The following WDR4 variants were observed in gnomAD, a reference collection of about 807,000 sequenced individuals.
WDR4 encodes the protein WDR4 tRNA N7-guanosine methyltransferase non-catalytic subunit, also known as tRNA (guanine-N(7)-)-methyltransferase non-catalytic subunit WDR4.
Under a neutral mutation model 48.6 loss-of-function variants are expected in WDR4, and 47 were observed. The ratio of observed to expected loss-of-function variants is 0.97; its 90% CI spans 0.77 to 1.23. The LOEUF (loss-of-function observed/expected upper bound fraction) is 1.23, where lower values mean the gene tolerates loss of function less well. Ranked by LOEUF, WDR4 falls within the 50% of genes most tolerant of loss-of-function variation. The probability of loss-of-function intolerance (pLI) is 0.00; values close to 1 mark genes in which losing one functional copy is unlikely to be tolerated. For synonymous variants in WDR4, 268 were observed against 230.0 expected (o/e 1.17, Z -1.49); for missense variants, 606 against 551.6 (o/e 1.10, Z -0.99).
At chr21:42,877,632 C>T (rs2839594) in intron 1 of WDR4, among the ~76,000 whole-genome samples, 91,421 of 151,854 alleles carry the variant, frequency 0.6, 28,277 homozygotes, top group African/African-American at 0.72. Context: ...TATTGGAGTA[C>T]GTCATACTGC....
At chr21:42,887,323 A>C in the WDR4 span, among the ~76,000 whole-genome samples, 1 of 150,090 alleles carries the variant, frequency 6.7e-6, no homozygotes. Context: ...TTATTTTATA[A>C]AGAGGCAGAG....
downstream of WDR4, among the ~76,000 whole-genome samples, chr21:42,848,741 C>CCTCA (rs1270528664): frequency 1.8e-4 from 11 of 62,422 alleles, 2 homozygotes; most frequent in Admixed American, 4.2e-4. Flanking sequence ...ACGGCGCGCA[C>CCTCA]CTCACACAGC....
chr21:42,867,112 C>T (rs771929979), intron 3 of WDR4, among the ~76,000 whole-genome samples: 3 of 152,186 alleles, frequency 2.0e-5, no homozygotes, highest in Admixed American at 6.5e-5. Flanking sequence ...AAGAGCAGGC[C>T]GGGCGCAGTG....
At position 42,863,516 on chromosome 21, in the gene WDR4, A is replaced by T; in HGVS notation, c.377T>A (p.Val126Asp). Residue 126 changes from valine to aspartate, a missense_variant, in exon 4 of 11, where the codon GTC (valine) becomes GAC (aspartate). Val to Asp is a radical substitution (Grantham distance 152). Transcript: ENST00000398208. The part of the protein sequence containing the change: ...KVLVADKSGD[V>D]YSFSVLEPHG... Reference sequence around the variant, plus strand: ...TGGCTCCAGCACCGAAAAGGAGTAGACGTCTCCAGACTTGTCGGCCACCAA... The same window carrying T: ...TGGCTCCAGCACCGAAAAGGAGTAGTCGTCTCCAGACTTGTCGGCCACCAA... 2 of 1,613,932 alleles carry T rather than the reference A, an allele frequency of 1.2e-6. No homozygotes were observed. Among genetic ancestry groups the T allele is most frequent in the Non-Finnish European group, 1.7e-6 (2 of 1,179,976 alleles).
Position 42,873,300 on chromosome 21 carries a change from C to G in WDR4, c.296+251G>C, listed in dbSNP as rs147983909. Reference sequence around the variant, plus strand: ...GGCTCTGTCTTCCGAGCCCACTGATCGGAGTCTGCTATCTAACTGTTCACC... The same window carrying G: ...GGCTCTGTCTTCCGAGCCCACTGATGGGAGTCTGCTATCTAACTGTTCACC... On this transcript the variant is annotated intron_variant, in intron 3 of 10. Coordinates refer to ENST00000398208, the MANE Select transcript of WDR4 (RefSeq NM_018669.6). 4.6e-5 allele frequency among the ~76,000 whole-genome samples: 7 copies of G among 152,284 alleles called. No individual in the cohort carries two copies. In the East Asian group the frequency reaches 7.7e-4, roughly 17 times the overall value.
At chr21:42,879,185 A>G in intron 1 of WDR4, 2 of 1,335,354 alleles carry the variant, frequency 1.5e-6, no homozygotes, top group Non-Finnish European at 1.9e-6. Context: ...AGCGCGCCGG[A>G]GCCGGGGAGC....
intron 3 of WDR4, among the ~76,000 whole-genome samples, chr21:42,867,913 A>G (rs1324384969): frequency 6.6e-6 from 1 of 152,122 alleles, no homozygotes; most frequent in Admixed American, 6.5e-5. Context: ...ACCAGCACAC[A>G]ACCTTCAAAA....
At chr21:42,870,586 G>A (rs911721083) in intron 3 of WDR4, among the ~76,000 whole-genome samples, 4 of 151,746 alleles carry the variant, frequency 2.6e-5, no homozygotes, top group Admixed American at 6.6e-5. Flanking sequence ...GTCAGAGTTC[G>A]AAACCAGCCT....
chr21:42,862,447 A>AAGAGTCT lies in WDR4; in HGVS notation c.454-54_454-53insAGACTCT. 2 of 1,494,414 alleles carry AAGAGTCT rather than the reference A, an allele frequency of 1.3e-6. No individual in the cohort carries two copies. Among genetic ancestry groups the AAGAGTCT allele is most frequent in the Non-Finnish European group, 1.8e-6 (2 of 1,098,392 alleles). The allele number at this position is 1,494,414 out of a possible 1,614,324, so 92.6% of individuals were successfully genotyped here. A position where few individuals can be genotyped will look rare whatever the true frequency, so the allele number is the denominator to read the frequency against. ...AAGCCGCTCACCTGAGTCTTCCCGA[A>AAGAGTCT]TCAAGTCCCTCATGGAAGAAGGCAG... On this transcript the variant is annotated intron_variant, in intron 4 of 10. Coordinates refer to ENST00000398208, the MANE Select transcript of WDR4 (RefSeq NM_018669.6). This position sits in a 1 kb window ranked among gnomAD's most constrained non-coding sequence, Gnocchi z 4.3.
At chr21:42,877,873 A>T (rs1391541433) in intron 1 of WDR4, among the ~76,000 whole-genome samples, 1 of 151,908 alleles carries the variant, frequency 6.6e-6, no homozygotes, top group Non-Finnish European at 1.5e-5. Flanking sequence ...TGAAACCCCC[A>T]TCTCCACTAA....
chr21:42,855,956 G>A (rs2057979508), intron 6 of WDR4, among the ~76,000 whole-genome samples, 176 bp from the exon 7 acceptor site: 2 of 152,208 alleles, frequency 1.3e-5, no homozygotes, highest in Non-Finnish European at 2.9e-5. Flanking sequence ...AAATCATCAA[G>A]GACAACGGTG....
At chr21:42,848,238 G>A (rs977239384), downstream of WDR4, among the ~76,000 whole-genome samples, 2 of 152,158 alleles carry the variant, frequency 1.3e-5, no homozygotes, top group Non-Finnish European at 2.9e-5. Context: ...CGGCCTGAAC[G>A]AATTAAGTGA....
In WDR4 at chr21:42,859,794, C is replaced by T. The variant is rs567738595; in HGVS notation, c.567-72G>A. 5.0e-4 allele frequency: 725 copies of T among 1,462,438 alleles called. 3 individuals carry two copies. The highest frequency in any genetic ancestry group is 1.6e-3 in the Middle Eastern group (9 of 5,794). The allele number at this position is 1,462,438 out of a possible 1,614,324, so 90.6% of individuals were successfully genotyped here. A position where few individuals can be genotyped will look rare whatever the true frequency, so the allele number is the denominator to read the frequency against. ...CAGGGACCGGGAGGCCTGGGGAGGC[C>T]GCCTGTTCATCTAAGGAAGAGAAGC... On this transcript the variant is annotated intron_variant, in intron 5 of 10. Transcript: ENST00000398208.
downstream of WDR4, among the ~76,000 whole-genome samples, chr21:42,848,702 C>T (rs1172258595): frequency 4.6e-5 from 5 of 108,540 alleles, no homozygotes; most frequent in Admixed American, 1.9e-4. Context: ...TCACGCGGCG[C>T]ACACCTCACT....
chr21:42,888,145 G>A, the WDR4 span, among the ~76,000 whole-genome samples: 1 of 151,938 alleles, frequency 6.6e-6, no homozygotes, highest in Non-Finnish European at 1.5e-5. Flanking sequence ...CAATATATTT[G>A]TTGAAAAAAG....
intron 3 of WDR4, among the ~76,000 whole-genome samples, chr21:42,864,705 G>A (rs899103207): frequency 4.6e-5 from 7 of 152,140 alleles, no homozygotes; most frequent in Admixed American, 2.0e-4. Context: ...GTCACAGTTC[G>A]CTCCCTCTCC....
upstream of WDR4, among the ~76,000 whole-genome samples, chr21:42,880,801 C>A (rs2058601860): frequency 6.6e-6 from 1 of 152,130 alleles, no homozygotes; most frequent in Non-Finnish European, 1.5e-5. Flanking sequence ...GACCTTTTTT[C>A]ACTCTAAACT....
At chr21:42,890,708 C>T in the WDR4 span, among the ~76,000 whole-genome samples, 1 of 152,188 alleles carries the variant, frequency 6.6e-6, no homozygotes, top group Non-Finnish European at 1.5e-5. Context: ...GTTGATGGTG[C>T]CCACAGAAAG....
chr21:42,884,965 G>A, the WDR4 span, among the ~76,000 whole-genome samples: 2 of 151,988 alleles, frequency 1.3e-5, no homozygotes, highest in Non-Finnish European at 2.9e-5. Flanking sequence ...TGATAGAGAC[G>A]GGGTTTCACC....
Sources: allele counts gnomAD v4.1 joint callset (sites outside exome capture counted in the v4.1 genomes callset), GRCh38; gene constraint gnomAD v4.1.1; non-coding constraint Gnocchi (gnomAD v3.1); transcripts MANE v1.5; gene names NCBI Gene and HGNC (gene_info 2026-07-23, HGNC 2026-07-21).